FAT2: variants seen among roughly 807,000 people sequenced by gnomAD.
The protein encoded by FAT2 is protocadherin Fat 2.
Under a neutral mutation model 295.3 loss-of-function variants are expected in FAT2, and 150 were observed. The observed-to-expected ratio is 0.51, with a 90% confidence interval of 0.44 to 0.58. The LOEUF (loss-of-function observed/expected upper bound fraction) is 0.58, where lower values mean the gene tolerates loss of function less well. FAT2 is among the 20% of genes least tolerant of loss of function. The probability of loss-of-function intolerance (pLI) is 0.00; values close to 1 mark genes in which losing one functional copy is unlikely to be tolerated. For missense variants in FAT2, 4,868 were observed against 5,442.7 expected, an observed-to-expected ratio of 0.89 and a Z score of 3.32; for synonymous variants, 2,026 against 2,150.3, an observed-to-expected ratio of 0.94 and a Z score of 1.60.
Position 151,590,938 on chromosome 5 carries a change from C to T in FAT2, c.-21+227G>A, listed in dbSNP as rs777201901. On this transcript the variant is annotated intron_variant, in intron 1 of 23. Coordinates refer to ENST00000261800, the MANE Select transcript of FAT2 (RefSeq NM_001447.3). ...CTCAGCCTTGCCCATTGCTGGGCCC[C>T]GATCCCCAGCCGCGGACTGGCTACC... Among the ~76,000 whole-genome samples, 10 of 152,266 alleles carry T rather than the reference C, an allele frequency of 6.6e-5. 2 individuals are homozygous for T. Among genetic ancestry groups the T allele is most frequent in the Non-Finnish European group, 2.9e-5 (2 of 68,030 alleles).
At position 151,525,789 on chromosome 5, in the gene FAT2, T is replaced by C; in HGVS notation, c.10485A>G (p.Glu3495=). 1 of 1,614,178 alleles carries C rather than the reference T, an allele frequency of 6.2e-7. No individual in the cohort carries two copies. The highest frequency in any genetic ancestry group is 8.5e-7 in the Non-Finnish European group (1 of 1,180,032). Residue 3495 remains glutamate, a synonymous_variant, in exon 18 of 24, where the codon GAA becomes GAG. Transcript: ENST00000261800. ...TAEGLSRRAQ[E]WYQLQIQASD... ...TCACCTGGATCTGAAGCTGATACCATTCCTGAGCCCTCCTGCTTAGGCCCT... is the reference window on the plus strand; with the variant it reads ...TCACCTGGATCTGAAGCTGATACCACTCCTGAGCCCTCCTGCTTAGGCCCT...
intron 3 of FAT2, among the ~76,000 whole-genome samples, chr5:151,560,278 T>G (rs1251332251): frequency 6.6e-6 from 1 of 152,234 alleles, no homozygotes; most frequent in Non-Finnish European, 1.5e-5. Flanking sequence ...CTCATTTAAT[T>G]CTCACAACAG....
chr5:151,552,339 GA>G (rs1757295717), intron 6 of FAT2, among the ~76,000 whole-genome samples: 1 of 151,984 alleles, frequency 6.6e-6, no homozygotes. Flanking sequence ...TGGTATTAAA[GA>G]AAAAAAGTCA....
Position 151,521,503 on chromosome 5 carries a change from T to G in FAT2, c.11090A>C (p.Gln3697Pro). 6.2e-7 allele frequency: 1 copy of G among 1,614,220 alleles called. No individual in the cohort carries two copies. Among genetic ancestry groups the G allele is most frequent in the Admixed American group, 1.7e-5 (1 of 60,032 alleles). The stretch of plus-strand genomic sequence containing the variant: ...GTGAGTGATGATGGATGCTAGCTCC[T>G]GAAACTCGTAGAAGGTTCCAGAATG... Reference protein sequence around the residue: ...EGHSGTFYEFQELASIITHSA... With the variant: ...EGHSGTFYEFPELASIITHSA... Residue 3697 changes from glutamine to proline, a missense_variant, in exon 19 of 24, where the codon CAG becomes CCG. Gln to Pro is a moderately conservative substitution (Grantham distance 76). Coordinates refer to ENST00000261800, the MANE Select transcript of FAT2 (RefSeq NM_001447.3).
chr5:151,530,285 C>A (rs369584267), intron 14 of FAT2, among the ~76,000 whole-genome samples: 25 of 150,596 alleles, frequency 1.7e-4, no homozygotes, highest in African/African-American at 5.8e-4. Flanking sequence ...CTCTTATGTG[C>A]GTCCAGACAT....
In FAT2 at chr5:151,551,451, A is replaced by C. The variant is rs780846553; in HGVS notation, c.4296+16T>G. On this transcript the variant is annotated intron_variant, in intron 7 of 23. Coordinates refer to ENST00000261800, the MANE Select transcript of FAT2 (RefSeq NM_001447.3). ...ATCTCCTCTCAATACAGGGGTCCCC[A>C]GCCGAGGCCTCTAACCTGTGTGGCA... is the stretch of plus-strand genomic sequence containing the variant. The C allele has an allele frequency of 1.6e-5, 26 of 1,613,166 alleles. No homozygotes were observed. The highest frequency in any genetic ancestry group is 2.0e-5 in the Non-Finnish European group (24 of 1,179,736).
chr5:151,573,889 G>A (rs978198642), intron 1 of FAT2, among the ~76,000 whole-genome samples: 4 of 152,120 alleles, frequency 2.6e-5, no homozygotes, highest in Non-Finnish European at 1.5e-5. Context: ...AAGTTTGAAC[G>A]TGGAGGGCTC....
chr5:151,579,310 G>A (rs1170638673), intron 1 of FAT2, among the ~76,000 whole-genome samples: 1 of 152,190 alleles, frequency 6.6e-6, no homozygotes, highest in African/African-American at 2.4e-5. Flanking sequence ...GGTGGCTCAT[G>A]CCTGTAATAC....
rs368309685 is a variant in FAT2 at position 151,507,233 on chromosome 5, G to C, written c.12438C>G (p.Pro4146=). 1.9e-5 allele frequency: 30 copies of C among 1,613,646 alleles called. No homozygotes were observed. The Middle Eastern group carries it at 8.2e-4, about 44-fold the overall frequency. Residue 4146 remains proline, a synonymous_variant, in exon 23 of 24, where the codon CCC becomes CCG. Coordinates refer to ENST00000261800, the MANE Select transcript of FAT2 (RefSeq NM_001447.3). ...AAGGGACCGCAGCTGGCGGGAGTCT[G>C]GGGGGCACACTGCAGACCACTGGCC... ...KQRPVVCSVP[P]RLPPAAVPSH... is the part of the protein sequence containing the mutation.
chr5:151,512,558 A>T lies in FAT2; in HGVS notation c.11512T>A (p.Tyr3838Asn), dbSNP rs750948303. ...TGGCGCTGGGAGGAAAGGTTTCCAT[A>T]GAAACCACCCAGACAGTGGTATTCC... Reference protein sequence around the residue: ...QLEYHCLGGFYGNLSSQRHVN... With the variant: ...QLEYHCLGGFNGNLSSQRHVN... Residue 3838 changes from tyrosine (Y) to asparagine (N), a missense_variant, in exon 21 of 24, where the codon TAT (tyrosine) becomes AAT (asparagine). Tyr to Asn is a moderately radical substitution (Grantham distance 143). Coordinates refer to ENST00000261800, the MANE Select transcript of FAT2 (RefSeq NM_001447.3). This position sits in a 1 kb window ranked among gnomAD's most constrained non-coding sequence, Gnocchi z 4.1. 1.9e-6 allele frequency: 3 copies of T among 1,613,932 alleles called. No individual in the cohort carries two copies. In the African/African-American group the frequency reaches 4.0e-5, roughly 22 times the overall value.
At chr5:151,530,454 T>A (rs1245560078) in intron 14 of FAT2, among the ~76,000 whole-genome samples, 1 of 152,026 alleles carries the variant, frequency 6.6e-6, no homozygotes, top group Non-Finnish European at 1.5e-5. Context: ...ATCCAAACGA[T>A]GGAAAATTCT....
Position 151,528,065 on chromosome 5 carries a change from C to G in FAT2, c.10095G>C (p.Gln3365His), listed in dbSNP as rs567731992. Residue 3365 changes from glutamine to histidine, a missense_variant, in exon 16 of 24, where the codon CAG (glutamine) becomes CAC (histidine). This residue lies in a region of FAT2 where 1,046 missense variants were observed against 1,210.1 expected (regional missense o/e 0.86). Transcript: ENST00000261800. ...TGGGGTGAATGGTGAAGTGCCCAAG[C>G]TGGTTCCCTCCTATGAGGCTATAGG... ...DITYSLIGGN[Q>H]LGHFTIHPKK... 1 of 1,614,218 alleles carries G rather than the reference C, an allele frequency of 6.2e-7. No homozygotes were observed. Among genetic ancestry groups the G allele is most frequent in the African/African-American group, 1.3e-5 (1 of 75,038 alleles).
intron 22 of FAT2, 104 bp downstream of exon 22, chr5:151,509,917 C>A (rs1761188581): frequency 4.4e-6 from 6 of 1,364,922 alleles, no homozygotes; most frequent in Non-Finnish European, 6.1e-6. Context: ...AGCCAGGTCC[C>A]TGCAGCACTC....
chr5:151,525,365 TG>T (rs1268581733), intron 18 of FAT2, among the ~76,000 whole-genome samples: 1 of 152,118 alleles, frequency 6.6e-6, no homozygotes, highest in African/African-American at 2.4e-5. Context: ...TGAGGTAGGT[TG>T]TTTTAGCTCC....
At chr5:151,527,971 G>A (rs771541185) in intron 16 of FAT2, 25 bp downstream of exon 16, 4 of 1,612,336 alleles carry the variant, frequency 2.5e-6, no homozygotes, top group Non-Finnish European at 1.7e-6. Flanking sequence ...ATGAGCTCAG[G>A]GTGCGCCCCT....
At chr5:151,547,727 G>A (rs370250123) in intron 9 of FAT2, among the ~76,000 whole-genome samples, 5 of 152,186 alleles carry the variant, frequency 3.3e-5, no homozygotes, top group Admixed American at 6.5e-5. Context: ...ATGTGATTCC[G>A]ATTATAATTT....
intron 17 of FAT2, among the ~76,000 whole-genome samples, chr5:151,526,809 C>G (rs1226913195): frequency 6.6e-6 from 1 of 152,180 alleles, no homozygotes; most frequent in African/African-American, 2.4e-5. Context: ...TCACCACTTA[C>G]AGCCCTGAAA....
In FAT2 at chr5:151,565,809, C is replaced by A. The variant is rs762047818; in HGVS notation, c.3123G>T (p.Val1041=). ...GAGTTCCCGAGGGGCTGTTCTCCTGCACCTGGCCCTGGTGCACGAAGGAGG... is the reference window on the plus strand; with the variant it reads ...GAGTTCCCGAGGGGCTGTTCTCCTGAACCTGGCCCTGGTGCACGAAGGAGG... ...HFASFVHQGQ[V]QENSPSGTQV... Residue 1041 remains valine, a synonymous_variant, in exon 2 of 24, where the codon GTG becomes GTT. Coordinates refer to ENST00000261800, the MANE Select transcript of FAT2 (RefSeq NM_001447.3). 23 of 1,614,192 alleles carry A rather than the reference C, an allele frequency of 1.4e-5. No individual in the cohort carries two copies. Among genetic ancestry groups the A allele is most frequent in the Non-Finnish European group, 1.8e-5 (21 of 1,180,028 alleles).
intron 1 of FAT2, among the ~76,000 whole-genome samples, chr5:151,572,237 G>A (rs1221825859): frequency 1.3e-5 from 2 of 152,126 alleles, no homozygotes; most frequent in East Asian, 1.9e-4. Flanking sequence ...GAATTCCCTA[G>A]TGCCTAGAAC....
Sources: allele counts gnomAD v4.1 joint callset (sites outside exome capture counted in the v4.1 genomes callset), GRCh38; gene constraint gnomAD v4.1.1; regional missense constraint gnomAD v4.1.1; non-coding constraint Gnocchi (gnomAD v3.1); transcripts MANE v1.5; gene names NCBI Gene and HGNC (gene_info 2026-07-23, HGNC 2026-07-21).